TIPIN: variants seen among roughly 807,000 people sequenced by gnomAD.
The protein encoded by TIPIN is TIMELESS interacting protein.
A neutral mutation model predicts 35.6 loss-of-function variants in TIPIN; 29 were observed. That is an observed-to-expected ratio of 0.82 (90% CI 0.61 to 1.11). The LOEUF (loss-of-function observed/expected upper bound fraction) is 1.11. Ranked by LOEUF, TIPIN falls within the 50% of genes most tolerant of loss-of-function variation. TIPIN has a pLI of 0.00. For missense variants in TIPIN, 296 were observed against 345.4 expected, an observed-to-expected ratio of 0.86 and a Z score of 1.13; for synonymous variants, 102 against 121.5, an observed-to-expected ratio of 0.84 and a Z score of 1.06.
Position 66,337,146 on chromosome 15 carries a change from C to A in TIPIN, c.718G>T (p.Glu240Ter). ...LMNTPRAHTV[E>*]EVNTDEDQKE... Reference sequence around the variant, plus strand: ...TGATCCTCATCAGTATTAACCTCTTCAACCGTGTGTGCCCTGGGTGTATTC... The same window carrying A: ...TGATCCTCATCAGTATTAACCTCTTAAACCGTGTGTGCCCTGGGTGTATTC... The change falls in exon 8 of 8, where the codon GAA becomes TAA. Residue 240 changes from glutamate to a stop codon, truncating the protein, a stop_gained. Coordinates refer to ENST00000261881, the MANE Select transcript of TIPIN (RefSeq NM_017858.3). LOFTEE classifies it high-confidence loss of function. The A allele has an allele frequency of 6.2e-7, 1 of 1,613,992 alleles. No individual in the cohort carries two copies. Among genetic ancestry groups the A allele is most frequent in the African/African-American group, 1.3e-5 (1 of 75,034 alleles).
At chr15:66,346,385 C>T (rs770182786) in intron 6 of TIPIN, among the ~76,000 whole-genome samples, 1 of 150,526 alleles carries the variant, frequency 6.6e-6, no homozygotes, top group African/African-American at 2.4e-5. Flanking sequence ...ATTCAAAATA[C>T]TTTTTTTCTT....
intron 1 of TIPIN, among the ~76,000 whole-genome samples, chr15:66,363,203 C>T (rs2093238631): frequency 6.6e-6 from 1 of 151,888 alleles, no homozygotes; most frequent in African/African-American, 2.4e-5. Context: ...CATAGTGAGA[C>T]CTTGTCTCTG....
upstream of TIPIN, among the ~76,000 whole-genome samples, chr15:66,359,822 G>A (rs999663484): frequency 2.6e-5 from 4 of 152,038 alleles, no homozygotes; most frequent in Non-Finnish European, 4.4e-5. Flanking sequence ...TCCCCACGCC[G>A]CCCCCAGCCT....
chr15:66,375,316 C>T lies in TIPIN; in HGVS notation c.-9+11291G>A, dbSNP rs183660173. Among the ~76,000 whole-genome samples, 24 of 151,718 alleles carry T rather than the reference C, an allele frequency of 1.6e-4. No individual in the cohort carries two copies. The East Asian group carries it at 4.5e-3, about 28-fold the overall frequency. On this transcript the variant is annotated intron_variant, in intron 1 of 7. Transcript: ENST00000562124. ...TAAAAAATATATTCATTGCAAATGT[C>T]TTCTTTCTTTTTCACTCTGTTTTTG...
intron 1 of TIPIN, chr15:66,379,998 CTTTCTTTT>C (rs1323088342): frequency 4.8e-5 from 15 of 313,824 alleles, no homozygotes; most frequent in Non-Finnish European, 6.7e-5. Context: ...TTCTTTCTTT[CTTTCTTTT>C]TTTTTTTTTT....
intron 1 of TIPIN, among the ~76,000 whole-genome samples, chr15:66,378,417 G>A (rs1178073407): frequency 2.0e-5 from 3 of 152,156 alleles, no homozygotes; most frequent in Admixed American, 6.5e-5. Flanking sequence ...TTACAGGTGT[G>A]AGCCACCGCG....
intron 1 of TIPIN, among the ~76,000 whole-genome samples, chr15:66,370,140 G>C (rs963166529): frequency 1.3e-5 from 2 of 152,058 alleles, no homozygotes; most frequent in African/African-American, 4.8e-5. Flanking sequence ...AGCTGCCCTC[G>C]AGGAAGCTGG....
chr15:66,363,365 C>A (rs569555993), intron 1 of TIPIN, among the ~76,000 whole-genome samples: 1 of 151,630 alleles, frequency 6.6e-6, no homozygotes, highest in Non-Finnish European at 1.5e-5. Context: ...AAAATTAGGC[C>A]GGGCACGGTG....
intron 1 of TIPIN, chr15:66,383,583 A>G (rs1195722905): frequency 4.1e-6 from 4 of 984,858 alleles, no homozygotes; most frequent in Non-Finnish European, 4.8e-6. Flanking sequence ...TCACTTTTTA[A>G]TGTTTATTAT....
Position 66,337,079 on chromosome 15 carries a change from T to A in TIPIN, c.785A>T (p.Asn262Ile), listed in dbSNP as rs769387299. Reference sequence around the variant, plus strand: ...ATTGGCAATAGCATCATTACATGGATTGTCCAGAATGTCTTCGTTTAATCC... The same window carrying A: ...ATTGGCAATAGCATCATTACATGGAATGTCCAGAATGTCTTCGTTTAATCC... ...SNGLNEDILD[N>I]PCNDAIANTL... is the part of the protein sequence containing the mutation. Residue 262 changes from asparagine (N) to isoleucine (I), a missense_variant, in exon 8 of 8, where the codon AAT (asparagine) becomes ATT (isoleucine). Transcript: ENST00000261881. 6.2e-7 allele frequency: 1 copy of A among 1,614,148 alleles called. No homozygotes were observed. The highest frequency in any genetic ancestry group is 2.2e-5 in the East Asian group (1 of 44,866).
chr15:66,379,736 C>T (rs990081239), intron 1 of TIPIN: 12 of 1,608,440 alleles, frequency 7.5e-6, no homozygotes, highest in African/African-American at 5.3e-5. Context: ...TGTTACCCCA[C>T]CATTTGTCAA....
chr15:66,383,527 G>C, intron 1 of TIPIN: 1 of 946,420 alleles, frequency 1.1e-6, no homozygotes, highest in Non-Finnish European at 1.3e-6. Flanking sequence ...GCCTCCCAAA[G>C]TGCTGGGATT....
chr15:66,365,399 T>C (rs2093249679), intron 1 of TIPIN, among the ~76,000 whole-genome samples: 1 of 152,214 alleles, frequency 6.6e-6, no homozygotes, highest in South Asian at 2.1e-4. Flanking sequence ...CCCTATATAG[T>C]CTAAAAAGGG....
chr15:66,361,661 A>T (rs545636158), upstream of TIPIN, among the ~76,000 whole-genome samples: 9 of 152,180 alleles, frequency 5.9e-5, no homozygotes, highest in East Asian at 1.7e-3. Context: ...TTCACCGGAG[A>T]TATAAAATAT....
chr15:66,366,945 G>A, intron 1 of TIPIN: 1 of 953,238 alleles, frequency 1.0e-6, no homozygotes, highest in Non-Finnish European at 1.2e-6. Context: ...ACTTTGGGAG[G>A]CCAAGGCAGG....
At chr15:66,379,619 GAAGT>G in intron 1 of TIPIN, 1 of 1,608,790 alleles carries the variant, frequency 6.2e-7, no homozygotes, top group East Asian at 2.2e-5. Flanking sequence ...CGATGATGGG[GAAGT>G]AAGCATACAC....
At chr15:66,359,151 C>G (rs1257731257), upstream of TIPIN, among the ~76,000 whole-genome samples, 3 of 120,216 alleles carry the variant, frequency 2.5e-5, no homozygotes, top group East Asian at 7.1e-4. Flanking sequence ...GACCCTGTCT[C>G]AAAACACACA....
intron 7 of TIPIN, among the ~76,000 whole-genome samples, chr15:66,339,698 A>G (rs960214533): frequency 5.9e-5 from 9 of 152,102 alleles, no homozygotes; most frequent in Admixed American, 4.6e-4. Flanking sequence ...ACACCACTGC[A>G]CTCTAGCCTG....
chr15:66,366,113 T>C (rs1276740020), intron 1 of TIPIN, among the ~76,000 whole-genome samples: 2 of 151,746 alleles, frequency 1.3e-5, no homozygotes, highest in African/African-American at 2.4e-5. Flanking sequence ...AAAGGCAGAA[T>C]TGAGTTAGAG....
Sources: allele counts gnomAD v4.1 joint callset (sites outside exome capture counted in the v4.1 genomes callset), GRCh38; gene constraint gnomAD v4.1.1; transcripts MANE v1.5; gene names NCBI Gene and HGNC (gene_info 2026-07-23, HGNC 2026-07-21).